TMEM9: variants seen among roughly 807,000 people sequenced by gnomAD.
TMEM9 encodes proton-transporting V-type ATPase complex assembly regulator TMEM9.
Under a neutral mutation model 22.8 loss-of-function variants are expected in TMEM9, and 13 were observed. That is an observed-to-expected ratio of 0.57 (90% CI 0.37 to 0.91). The LOEUF (loss-of-function observed/expected upper bound fraction) is 0.91, where lower values mean the gene tolerates loss of function less well. Among genes scored for constraint, TMEM9 ranks in the 40% least tolerant of loss-of-function variants. The pLI is 0.01. For synonymous variants in TMEM9, 88 were observed against 93.0 expected (o/e 0.95, Z 0.31); for missense variants, 182 against 238.1 (o/e 0.76, Z 1.55).
intron 1 of TMEM9, among the ~76,000 whole-genome samples, chr1:201,165,359 G>C (rs12079166): frequency 0.02 from 3,033 of 151,158 alleles, 105 homozygotes; most frequent in African/African-American, 0.07. Flanking sequence ...GGTGAATACA[G>C]AAAAAAGAGA....
At chr1:201,160,867 C>T (rs1429078420) in intron 1 of TMEM9, among the ~76,000 whole-genome samples, 2 of 149,706 alleles carry the variant, frequency 1.3e-5, no homozygotes, top group African/African-American at 2.5e-5. Context: ...ACCCGGGAGG[C>T]GGAGCTTGCA....
At chr1:201,152,532 A>G (rs1665513519) in intron 1 of TMEM9, among the ~76,000 whole-genome samples, 1 of 152,212 alleles carries the variant, frequency 6.6e-6, no homozygotes. Context: ...ATGTAGCAAT[A>G]AAGAATGGAA....
Position 201,154,180 on chromosome 1 carries a change from A to T in TMEM9, c.-257T>A, listed in dbSNP as rs1234112674. 5 of 456,144 alleles carry T rather than the reference A, an allele frequency of 1.1e-5. No individual in the cohort carries two copies. The highest frequency in any genetic ancestry group is 2.0e-5 in the Non-Finnish European group (5 of 255,602). 28.3% of individuals were successfully genotyped at this position (456,144 alleles called of 1,614,324 possible). On this transcript the variant is annotated 5_prime_UTR_variant, in exon 1 of 5. Coordinates refer to ENST00000367330, the MANE Select transcript of TMEM9 (RefSeq NM_001288565.2). ...GCCCGGCAGAGGGGTCCTCGAGGGGACACCGCTGCCAGGGGCCTCCAGTTC... is the reference window on the plus strand; with the variant it reads ...GCCCGGCAGAGGGGTCCTCGAGGGGTCACCGCTGCCAGGGGCCTCCAGTTC...
intron 2 of TMEM9, 128 bp downstream of exon 2, chr1:201,151,633 A>G: frequency 2.9e-6 from 2 of 700,748 alleles, no homozygotes; most frequent in Admixed American, 4.4e-5. Context: ...GACATGAATA[A>G]TTACTCCTTT....
At chr1:201,160,028 A>G (rs562039060) in intron 1 of TMEM9, among the ~76,000 whole-genome samples, 6 of 152,238 alleles carry the variant, frequency 3.9e-5, no homozygotes, top group Admixed American at 2.0e-4. Flanking sequence ...CTGCATAAAT[A>G]GAGGATAACA....
In TMEM9 at chr1:201,135,649, C is replaced by A; in HGVS notation, c.*14G>T. 1 of 1,596,464 alleles carries A rather than the reference C, an allele frequency of 6.3e-7. No homozygotes were observed. Among genetic ancestry groups the A allele is most frequent in the South Asian group, 1.1e-5 (1 of 88,298 alleles). On this transcript the variant is annotated 3_prime_UTR_variant, in exon 5 of 5. Coordinates refer to ENST00000367330, the MANE Select transcript of TMEM9 (RefSeq NM_001288565.2). ...CCATGGTGTTGGGGCCTTGACCCAACCACACCAGCCCATCTAGCTGAGCAT... is the reference window on the plus strand; with the variant it reads ...CCATGGTGTTGGGGCCTTGACCCAAACACACCAGCCCATCTAGCTGAGCAT...
intron 4 of TMEM9, among the ~76,000 whole-genome samples, chr1:201,142,546 T>C (rs2102239921): frequency 6.6e-6 from 1 of 152,356 alleles, no homozygotes; most frequent in East Asian, 1.9e-4. Flanking sequence ...ATCATGCGTC[T>C]CCTTTAGTTG....
At position 201,135,560 on chromosome 1, in the gene TMEM9, G is replaced by A. The variant is rs1663913140; in HGVS notation, c.*103C>T. ...GGAAAAATGCCACAGGCTTTTAAAG[G>A]GAAGACTGGAACCGAGGGAAGGGAG... is the stretch of plus-strand genomic sequence containing the variant. On this transcript the variant is annotated 3_prime_UTR_variant, in exon 5 of 5. Coordinates refer to ENST00000367330, the MANE Select transcript of TMEM9 (RefSeq NM_001288565.2). The A allele has an allele frequency of 8.0e-7, 1 of 1,251,596 alleles. No individual in the cohort carries two copies. The highest frequency in any genetic ancestry group is 2.9e-5 in the Admixed American group (1 of 35,038). 77.5% of individuals were successfully genotyped at this position (1,251,596 alleles called of 1,614,324 possible). A position where few individuals can be genotyped will look rare whatever the true frequency, so the allele number is the denominator to read the frequency against.
At chr1:201,138,657 A>G (rs772998077) in intron 4 of TMEM9, among the ~76,000 whole-genome samples, 11 of 152,194 alleles carry the variant, frequency 7.2e-5, no homozygotes, top group Non-Finnish European at 1.6e-4. Flanking sequence ...TGACTATGAC[A>G]AGTGCCACTA....
At chr1:201,152,093 G>C (rs1445587928) in intron 1 of TMEM9, among the ~76,000 whole-genome samples, 1 of 152,178 alleles carries the variant, frequency 6.6e-6, no homozygotes, top group African/African-American at 2.4e-5. Flanking sequence ...CTCACAGAAA[G>C]TTGTCTAGGC....
Position 201,146,784 on chromosome 1 carries a change from G to A in TMEM9, c.223C>T (p.Leu75=). 1 of 1,614,234 alleles carries A rather than the reference G, an allele frequency of 6.2e-7. No homozygotes were observed. The highest frequency in any genetic ancestry group is 8.5e-7 in the Non-Finnish European group (1 of 1,180,048). The change falls in exon 3 of 5, where the codon CTG becomes TTG. Residue 75 remains leucine, a synonymous_variant. Transcript: ENST00000367330. ...PGHDVEAYCL[L]CECRYEERST... Reference sequence around the variant, plus strand: ...CGCTCCTCGTACCTGCACTCGCACAGCAGGCAGTAGGCCTCCACGTCATGG... The same window carrying A: ...CGCTCCTCGTACCTGCACTCGCACAACAGGCAGTAGGCCTCCACGTCATGG...
In TMEM9 at chr1:201,150,113, G is replaced by C. The variant is rs57574750; in HGVS notation, c.158+1648C>G. Among the ~76,000 whole-genome samples, 776 of 152,362 alleles carry C rather than the reference G, an allele frequency of 5.1e-3. 4 individuals are homozygous for C. Among genetic ancestry groups the C allele is most frequent in the African/African-American group, 0.018 (740 of 41,584 alleles). On this transcript the variant is annotated intron_variant, in intron 2 of 4. Coordinates refer to ENST00000367330, the MANE Select transcript of TMEM9 (RefSeq NM_001288565.2). The stretch of plus-strand genomic sequence containing the variant: ...GCCATCTATAGCTCCAGGACAGAGA[G>C]AGTGTTCCTAAATTTGCAAGTGTCT...
At chr1:201,139,915 G>A (rs1433226116) in intron 4 of TMEM9, among the ~76,000 whole-genome samples, 2 of 152,336 alleles carry the variant, frequency 1.3e-5, no homozygotes, top group African/African-American at 2.4e-5. Context: ...ATGCTGTGCT[G>A]CCCCACTGGA....
At position 201,146,746 on chromosome 1, in the gene TMEM9, G is replaced by A; in HGVS notation, c.261C>T (p.Thr87=). ...CCTGAGACCCTGGCGTTACCTTGAT[G>A]GTGGTGGTGCTGCGCTCCTCGTACC... ...ECRYEERSTT[T]IKVIIVIYLS... Residue 87 remains threonine, a synonymous_variant, in exon 3 of 5, where the codon ACC becomes ACT. Transcript: ENST00000367330. 3 of 1,614,120 alleles carry A rather than the reference G, an allele frequency of 1.9e-6. No homozygotes were observed. The highest frequency in any genetic ancestry group is 2.5e-6 in the Non-Finnish European group (3 of 1,179,936).
At chr1:201,159,228 T>C (rs1000274154), upstream of TMEM9, among the ~76,000 whole-genome samples, 5 of 152,230 alleles carry the variant, frequency 3.3e-5, no homozygotes, top group Non-Finnish European at 7.3e-5. Context: ...GACCCACCTC[T>C]TATAGGACAT....
At chr1:201,161,728 C>T (rs928535163) in intron 1 of TMEM9, among the ~76,000 whole-genome samples, 10 of 152,150 alleles carry the variant, frequency 6.6e-5, no homozygotes, top group Non-Finnish European at 1.3e-4. Flanking sequence ...AACTCTTTTT[C>T]GAAGAGCAGC....
At chr1:201,161,686 T>G (rs831746) in intron 1 of TMEM9, among the ~76,000 whole-genome samples, 136,319 of 152,226 alleles carry the variant, frequency 0.9, 61,055 homozygotes, top group East Asian at 0.92. Flanking sequence ...ATACATTATT[T>G]TGTGTAGTGT....
intron 3 of TMEM9, chr1:201,144,203 T>G: frequency 2.5e-6 from 1 of 403,484 alleles, no homozygotes; most frequent in South Asian, 3.4e-5. Context: ...AGCAGGCAGA[T>G]GACAGAGGAA....
intron 3 of TMEM9, among the ~76,000 whole-genome samples, chr1:201,146,058 C>T (rs377394932): frequency 6.6e-6 from 1 of 152,182 alleles, no homozygotes; most frequent in Non-Finnish European, 1.5e-5. Flanking sequence ...ACTAGGAAGC[C>T]GCACTGGGGG....
Sources: allele counts gnomAD v4.1 joint callset (sites outside exome capture counted in the v4.1 genomes callset), GRCh38; gene constraint gnomAD v4.1.1; transcripts MANE v1.5; gene names NCBI Gene and HGNC (gene_info 2026-07-23, HGNC 2026-07-21).